The following ZBBX variants were observed in gnomAD, a reference collection of about 807,000 sequenced individuals.
The protein encoded by ZBBX is zinc finger B-box domain-containing protein 1.
In ZBBX, 101 loss-of-function variants were observed where a neutral mutation model predicts 108.5. That is an observed-to-expected ratio of 0.93 (90% CI 0.79 to 1.10). The LOEUF (loss-of-function observed/expected upper bound fraction) is 1.10, where lower values mean the gene tolerates loss of function less well. Ranked by LOEUF, ZBBX falls within the 50% of genes least tolerant of loss-of-function variation. ZBBX has a pLI of 0.00. For synonymous variants in ZBBX, 356 were observed against 323.4 expected, an observed-to-expected ratio of 1.10 and a Z score of -1.08; for missense variants, 1,009 against 941.4, an observed-to-expected ratio of 1.07 and a Z score of -0.94.
chr3:167,329,810 T>C (rs1374714913), intron 10 of ZBBX, among the ~76,000 whole-genome samples: 2 of 152,284 alleles, frequency 1.3e-5, no homozygotes, highest in African/African-American at 2.4e-5. Context: ...CTTAAACCCA[T>C]TGGACATGTA....
chr3:167,397,730 A>C (rs1303830553), intron 1 of ZBBX, among the ~76,000 whole-genome samples: 1 of 151,898 alleles, frequency 6.6e-6, no homozygotes, highest in Non-Finnish European at 1.5e-5. Flanking sequence ...AATCATCTTT[A>C]GAAGAACTTT....
At chr3:167,206,516 A>G in the ZBBX span, among the ~76,000 whole-genome samples, 2,035 of 148,808 alleles carry the variant, frequency 0.014, 22 homozygotes, top group South Asian at 0.026. Context: ...AAAAATAAAT[A>G]AAAAAAATGT....
intron 20 of ZBBX, among the ~76,000 whole-genome samples, chr3:167,278,779 C>T (rs1285296820): frequency 4.7e-5 from 7 of 150,172 alleles, no homozygotes; most frequent in African/African-American, 9.8e-5. Flanking sequence ...ATACCAAAGC[C>T]GGGCAGAGAC....
chr3:167,368,440 T>A, intron 5 of ZBBX, 21 bp downstream of exon 5: 1 of 1,545,326 alleles, frequency 6.5e-7, no homozygotes, highest in Non-Finnish European at 8.9e-7. Context: ...TCATCTAAAA[T>A]TCTCTAAGAG....
At chr3:167,396,658 A>G (rs1748243755) in intron 1 of ZBBX, among the ~76,000 whole-genome samples, 1 of 152,080 alleles carries the variant, frequency 6.6e-6, no homozygotes, top group Non-Finnish European at 1.5e-5. Flanking sequence ...GTAACTGATT[A>G]AGTAAAAATA....
At chr3:167,212,893 T>C in the ZBBX span, among the ~76,000 whole-genome samples, 493 of 152,286 alleles carry the variant, frequency 3.2e-3, 1 homozygote, top group Admixed American at 6.3e-3. Context: ...AAGTGTCACC[T>C]GCTGGATCAC....
the ZBBX span, among the ~76,000 whole-genome samples, chr3:167,218,192 C>A: frequency 2.0e-5 from 3 of 152,018 alleles, no homozygotes; most frequent in African/African-American, 7.2e-5. Context: ...ATAATATGTA[C>A]AACAAACCCC....
intron 1 of ZBBX, among the ~76,000 whole-genome samples, chr3:167,387,865 T>TA (rs1279926436): frequency 1.3e-5 from 2 of 151,996 alleles, no homozygotes; most frequent in Non-Finnish European, 2.9e-5. Flanking sequence ...TATTTATGGA[T>TA]GACCCTGAAG....
intron 18 of ZBBX, among the ~76,000 whole-genome samples, chr3:167,291,430 C>G (rs1156697439): frequency 1.3e-5 from 2 of 151,954 alleles, no homozygotes; most frequent in African/African-American, 2.4e-5. Flanking sequence ...AATTTTCAAC[C>G]CAGAATTTTA....
chr3:167,357,707 C>T (rs777205687), intron 8 of ZBBX, among the ~76,000 whole-genome samples: 1 of 152,070 alleles, frequency 6.6e-6, no homozygotes, highest in East Asian at 1.9e-4. Flanking sequence ...AATCATGCTG[C>T]TATAAAGACA....
the ZBBX span, among the ~76,000 whole-genome samples, chr3:167,182,661 G>A: frequency 3.3e-5 from 5 of 152,186 alleles, no homozygotes; most frequent in African/African-American, 1.2e-4. Flanking sequence ...CAAGCAGCCT[G>A]AATGGAAGCT....
In ZBBX at chr3:167,359,862, G is replaced by A. The variant is rs748983839; in HGVS notation, c.432+8C>T. The A allele has an allele frequency of 1.1e-5, 15 of 1,377,990 alleles. No homozygotes were observed. Among genetic ancestry groups the A allele is most frequent in the Admixed American group, 5.7e-5 (3 of 52,694 alleles). The allele number at this position is 1,377,990 out of a possible 1,614,324, so 85.4% of individuals were successfully genotyped here. A position where few individuals can be genotyped will look rare whatever the true frequency, so the allele number is the denominator to read the frequency against. On this transcript the variant is annotated splice_region_variant and intron_variant, in intron 8 of 21. Transcript: ENST00000675490. Reference sequence around the variant, plus strand: ...AGTATATGTATATATACTATATAACGTACATACCAGTAGAGCAGCTTTGTT... The same window carrying A: ...AGTATATGTATATATACTATATAACATACATACCAGTAGAGCAGCTTTGTT...
chr3:167,298,792 G>A (rs150312745), intron 17 of ZBBX, among the ~76,000 whole-genome samples: 4 of 151,792 alleles, frequency 2.6e-5, no homozygotes, highest in African/African-American at 9.7e-5. Context: ...ACTTTCACAC[G>A]CAGTGGCTTT....
chr3:167,339,989 G>A (rs556398702), intron 9 of ZBBX, among the ~76,000 whole-genome samples: 1 of 152,014 alleles, frequency 6.6e-6, no homozygotes, highest in Non-Finnish European at 1.5e-5. Flanking sequence ...CATATACCGT[G>A]TTGTGGCAGC....
At chr3:167,306,032 G>A (rs892845572) in intron 16 of ZBBX, 82 bp from the exon 17 acceptor site, 24 of 1,188,826 alleles carry the variant, frequency 2.0e-5, no homozygotes, top group Middle Eastern at 3.1e-4. Flanking sequence ...AAAGTTCTGT[G>A]GTAAAAAAAC....
chr3:167,324,271 C>T (rs373574995), intron 11 of ZBBX, among the ~76,000 whole-genome samples: 3 of 152,132 alleles, frequency 2.0e-5, no homozygotes, highest in East Asian at 3.9e-4. Flanking sequence ...CAGCCTCCCA[C>T]GTAGCTAGGA....
At chr3:167,278,885 C>T (rs930907608) in intron 20 of ZBBX, among the ~76,000 whole-genome samples, 7 of 151,946 alleles carry the variant, frequency 4.6e-5, no homozygotes, top group African/African-American at 1.7e-4. Flanking sequence ...AGCAGCACAT[C>T]AAAAAGCTTA....
At chr3:167,284,609 G>A (rs575839116) in intron 19 of ZBBX, among the ~76,000 whole-genome samples, 5 of 152,160 alleles carry the variant, frequency 3.3e-5, no homozygotes, top group South Asian at 4.2e-4. Flanking sequence ...AGAAGAGTAC[G>A]AACACTAATA....
intron 20 of ZBBX, among the ~76,000 whole-genome samples, chr3:167,249,067 C>T (rs1722110302): frequency 6.6e-6 from 1 of 152,222 alleles, no homozygotes; most frequent in South Asian, 2.1e-4. Context: ...GCCTATACTC[C>T]TCTGGAGTGT....
Sources: gnomAD v4.1 joint callset for allele counts (sites outside exome capture counted in the v4.1 genomes callset) on GRCh38, gnomAD v4.1.1 for gene constraint, MANE v1.5 for transcripts, NCBI Gene and HGNC (gene_info 2026-07-23, HGNC 2026-07-21) for gene names.